PLCB1: variants seen among roughly 807,000 people sequenced by gnomAD.
PLCB1 encodes the protein phospholipase C beta 1.
Under a neutral mutation model 161.8 loss-of-function variants are expected in PLCB1, and 46 were observed. The ratio of observed to expected loss-of-function variants is 0.28; its 90% confidence interval spans 0.22 to 0.36. PLCB1 has a LOEUF of 0.36. PLCB1 is among the 10% of genes least tolerant of loss of function. The pLI is 1.00. For synonymous variants in PLCB1, 517 were observed against 503.7 expected (o/e 1.03, Z -0.35); for missense variants, 1,016 against 1,472.5 (o/e 0.69, Z 5.07).
intron 1 of PLCB1, among the ~76,000 whole-genome samples, chr20:8,149,988 T>C (rs2051493120): frequency 6.6e-6 from 1 of 152,100 alleles, no homozygotes; most frequent in African/African-American, 2.4e-5. Context: ...GTAATGATGT[T>C]TAGTGTTAAA....
chr20:8,702,794 C>T (rs1026990337), intron 11 of PLCB1, among the ~76,000 whole-genome samples: 2 of 152,184 alleles, frequency 1.3e-5, no homozygotes, highest in Non-Finnish European at 2.9e-5. Flanking sequence ...AACTTAAAAG[C>T]TATAACTGGT....
At chr20:8,857,721 G>T (rs1485015680) in intron 31 of PLCB1, among the ~76,000 whole-genome samples, 1 of 152,198 alleles carries the variant, frequency 6.6e-6, no homozygotes, top group Non-Finnish European at 1.5e-5. Context: ...GCCAATAGTT[G>T]ATATTAACGT....
At chr20:8,548,076 C>G (rs561603189) in intron 3 of PLCB1, among the ~76,000 whole-genome samples, 1 of 151,914 alleles carries the variant, frequency 6.6e-6, no homozygotes, top group African/African-American at 2.4e-5. Flanking sequence ...CTACCTTCCT[C>G]CCTCCCTTCC....
intron 2 of PLCB1, among the ~76,000 whole-genome samples, chr20:8,365,161 C>T (rs1986666182): frequency 6.6e-6 from 1 of 152,184 alleles, no homozygotes; most frequent in Non-Finnish European, 1.5e-5. Flanking sequence ...ATGTTGCTGG[C>T]ATCTGCACCT....
intron 2 of PLCB1, among the ~76,000 whole-genome samples, chr20:8,212,635 A>C (rs2123146730): frequency 6.6e-6 from 1 of 152,224 alleles, no homozygotes; most frequent in South Asian, 2.1e-4. Flanking sequence ...GGCATACAAA[A>C]CGCAAAAGAT....
chr20:8,289,335 A>G (rs1370332851), intron 2 of PLCB1, among the ~76,000 whole-genome samples: 1 of 152,178 alleles, frequency 6.6e-6, no homozygotes, highest in East Asian at 1.9e-4. Flanking sequence ...GTTAAAATGC[A>G]GACTCTTTCA....
chr20:8,721,967 G>T (rs1178482375), intron 14 of PLCB1, among the ~76,000 whole-genome samples: 4 of 151,946 alleles, frequency 2.6e-5, no homozygotes, highest in African/African-American at 9.7e-5. Flanking sequence ...CTGTTTTCGG[G>T]GTCATAGAGA....
chr20:8,340,134 A>G (rs1002098720), intron 2 of PLCB1, among the ~76,000 whole-genome samples: 3 of 152,164 alleles, frequency 2.0e-5, no homozygotes, highest in African/African-American at 7.2e-5. Context: ...CCCTTAATTG[A>G]TAATTCTAGT....
chr20:8,839,945 C>T (rs911442227), intron 31 of PLCB1, among the ~76,000 whole-genome samples: 4 of 151,512 alleles, frequency 2.6e-5, no homozygotes, highest in Non-Finnish European at 5.9e-5. Flanking sequence ...GCAGGAGAAT[C>T]GCTTGAACCC....
chr20:8,550,279 G>A (rs1985726278), intron 3 of PLCB1, among the ~76,000 whole-genome samples: 1 of 152,032 alleles, frequency 6.6e-6, no homozygotes, highest in Non-Finnish European at 1.5e-5. Flanking sequence ...CAGGGATAGA[G>A]TAATATGGTT....
At chr20:8,868,760 C>T (rs1358291116) in intron 31 of PLCB1, among the ~76,000 whole-genome samples, 1 of 152,142 alleles carries the variant, frequency 6.6e-6, no homozygotes, top group African/African-American at 2.4e-5. Flanking sequence ...GCCTCCCAGG[C>T]AGCTGGGGCT....
chr20:8,379,740 T>A (rs1213090168), intron 3 of PLCB1, among the ~76,000 whole-genome samples: 3 of 152,250 alleles, frequency 2.0e-5, no homozygotes, highest in African/African-American at 7.2e-5. Flanking sequence ...CTTGGCTGCA[T>A]AAATGTCTTC....
intron 3 of PLCB1, among the ~76,000 whole-genome samples, chr20:8,402,214 C>A (rs536270165): frequency 6.6e-6 from 1 of 151,918 alleles, no homozygotes; most frequent in Non-Finnish European, 1.5e-5. Context: ...TATTGTTCTC[C>A]TAAAAACCAT....
chr20:8,841,515 G>T (rs1042817066), intron 31 of PLCB1, among the ~76,000 whole-genome samples: 1 of 152,202 alleles, frequency 6.6e-6, no homozygotes, highest in Non-Finnish European at 1.5e-5. Context: ...TTGTGATTAA[G>T]ATCAACAGCT....
intron 2 of PLCB1, among the ~76,000 whole-genome samples, chr20:8,152,617 A>G (rs573283867): frequency 2.0e-5 from 3 of 152,132 alleles, no homozygotes; most frequent in African/African-American, 7.2e-5. Context: ...CATGTACCAT[A>G]GAGATAATCT....
intron 31 of PLCB1, among the ~76,000 whole-genome samples, chr20:8,853,661 G>GA (rs562249213): frequency 1.3e-5 from 2 of 151,702 alleles, no homozygotes; most frequent in Admixed American, 6.6e-5. Context: ...TGTACTGGGG[G>GA]AAAAAAAATG....
At chr20:8,332,733 G>A (rs892440656) in intron 2 of PLCB1, among the ~76,000 whole-genome samples, 1 of 152,182 alleles carries the variant, frequency 6.6e-6, no homozygotes, top group Non-Finnish European at 1.5e-5. Context: ...TCCCTACCTG[G>A]CTTTTGAGGC....
chr20:8,666,843 C>G (rs1989823551), intron 9 of PLCB1, among the ~76,000 whole-genome samples: 1 of 151,896 alleles, frequency 6.6e-6, no homozygotes, highest in African/African-American at 2.4e-5. Flanking sequence ...AAGGTGCTGT[C>G]TTGGTGGAAT....
chr20:8,516,929 A>C (rs1407569814), intron 3 of PLCB1, among the ~76,000 whole-genome samples: 2 of 152,040 alleles, frequency 1.3e-5, no homozygotes, highest in Non-Finnish European at 2.9e-5. Context: ...GAGTGTTTAC[A>C]GACAAATAAG....
Sources: allele counts gnomAD v4.1 joint callset (sites outside exome capture counted in the v4.1 genomes callset), GRCh38; gene constraint gnomAD v4.1.1; transcripts MANE v1.5; gene names NCBI Gene and HGNC (gene_info 2026-07-23, HGNC 2026-07-21).